EXTL3: variants seen among roughly 807,000 people sequenced by gnomAD.
The protein encoded by EXTL3 is exostosin-like 3.
Under a neutral mutation model 69.3 loss-of-function variants are expected in EXTL3, and 27 were observed. That is an observed-to-expected ratio of 0.39 (90% CI 0.29 to 0.54). EXTL3 has a LOEUF of 0.54. Among genes scored for constraint, EXTL3 ranks in the 20% least tolerant of loss-of-function variants. The probability of loss-of-function intolerance (pLI) is 0.69; values close to 1 mark genes in which losing one functional copy is unlikely to be tolerated. For synonymous variants in EXTL3, 511 were observed against 499.4 expected, an observed-to-expected ratio of 1.02 and a Z score of -0.31; for missense variants, 1,003 against 1,231.8, an observed-to-expected ratio of 0.81 and a Z score of 2.78.
At chr8:28,731,453 T>A in intron 4 of EXTL3, 103 bp downstream of exon 4, 1 of 1,244,396 alleles carries the variant, frequency 8.0e-7, no homozygotes, top group South Asian at 1.2e-5. Context: ...GAGAACCCCT[T>A]GCAGATAGTC....
chr8:28,611,454 T>TA lies in EXTL3; in HGVS notation n.314+3706dup, dbSNP rs796564430. ...GGGTGACAGAGTGAGACTCTGCTTC[T>TA]AAAAAAAAAACCACATTGACTGTTA... is the stretch of plus-strand genomic sequence containing the variant. On this transcript the variant is annotated intron_variant and non_coding_transcript_variant, in intron 2 of 4. Transcript: ENST00000522725. Among the ~76,000 whole-genome samples, 891 of 148,468 alleles carry TA rather than the reference T, an allele frequency of 6.0e-3. 9 individuals carry two copies. The highest frequency in any genetic ancestry group is 0.012 in the African/African-American group (494 of 40,656).
chr8:28,669,763 A>G (rs1190999763), intron 1 of EXTL3, among the ~76,000 whole-genome samples: 1 of 152,114 alleles, frequency 6.6e-6, no homozygotes, highest in African/African-American at 2.4e-5. Flanking sequence ...AGAATATTAC[A>G]ATGGGTGTCT....
intron 2 of EXTL3, among the ~76,000 whole-genome samples, chr8:28,610,492 A>C (rs4339595): frequency 0.29 from 43,794 of 151,962 alleles, 6,482 homozygotes; most frequent in African/African-American, 0.33. Flanking sequence ...CAGAGGAAAA[A>C]GGGATGAACT....
At chr8:28,699,255 C>T (rs931036854), upstream of EXTL3, among the ~76,000 whole-genome samples, 1 of 152,154 alleles carries the variant, frequency 6.6e-6, no homozygotes, top group Non-Finnish European at 1.5e-5. Context: ...GCCCCAAGCT[C>T]TGCTGTAAAG....
chr8:28,702,482 C>T (rs1036608816), intron 1 of EXTL3, among the ~76,000 whole-genome samples: 18 of 152,232 alleles, frequency 1.2e-4, no homozygotes, highest in Non-Finnish European at 2.1e-4. Context: ...CCACATTGAG[C>T]GAGAGCTTCG....
chr8:28,744,416 T>C (rs1006764467), intron 6 of EXTL3, among the ~76,000 whole-genome samples: 1 of 152,052 alleles, frequency 6.6e-6, no homozygotes, highest in African/African-American at 2.4e-5. Context: ...CCAGCACTTT[T>C]GGAGGCTGAG....
chr8:28,689,473 A>G (rs185046040), intron 1 of EXTL3, among the ~76,000 whole-genome samples: 1 of 152,230 alleles, frequency 6.6e-6, no homozygotes, highest in Admixed American at 6.5e-5. Context: ...TTTGCTTCAG[A>G]GTTTTATTCT....
chr8:28,739,430 G>A (rs1027728226), intron 5 of EXTL3, among the ~76,000 whole-genome samples: 1 of 152,070 alleles, frequency 6.6e-6, no homozygotes, highest in Non-Finnish European at 1.5e-5. Flanking sequence ...GGGCCCAGGT[G>A]ACCCTCCTGC....
At chr8:28,701,029 TG>T (rs1052240908), upstream of EXTL3, 1 of 152,256 alleles carries the variant, frequency 6.6e-6, no homozygotes, top group Non-Finnish European at 1.5e-5. Flanking sequence ...GCCTTGTCTT[TG>T]TTATGAAATA....
chr8:28,640,303 T>C (rs969431792), intron 1 of EXTL3, among the ~76,000 whole-genome samples: 2 of 152,164 alleles, frequency 1.3e-5, no homozygotes, highest in Non-Finnish European at 2.9e-5. Context: ...ATTGATTCCA[T>C]AAACTGGAAA....
At position 28,716,159 on chromosome 8, in the gene EXTL3, T is replaced by G; in HGVS notation, c.100T>G (p.Phe34Val). Residue 34 changes from phenylalanine (F) to valine (V), a missense_variant, in exon 3 of 7, where the codon TTC becomes GTC. Physicochemically the swap from Phe to Val is conservative, Grantham distance 50. Transcript: ENST00000220562. The surrounding 1 kb of genome is among the most constrained non-coding windows in gnomAD (Gnocchi z 7.1). ...CCGCATCCGCCTCACGTGGCTCAGC[T>G]TCACGCTCTTTGTCATCCTGGTCTT... ...SNRIRLTWLS[F>V]TLFVILVFFP... 2 of 1,614,160 alleles carry G rather than the reference T, an allele frequency of 1.2e-6. No individual in the cohort carries two copies. Among genetic ancestry groups the G allele is most frequent in the Non-Finnish European group, 1.7e-6 (2 of 1,180,036 alleles).
chr8:28,609,435 TA>T lies in EXTL3; in HGVS notation n.314+1687del, dbSNP rs572247391. 1.6e-3 allele frequency among the ~76,000 whole-genome samples: 238 copies of T among 147,402 alleles called. 4 individuals carry two copies. The highest frequency in any genetic ancestry group is 5.0e-3 in the African/African-American group (200 of 40,040). ...GGATTCCACAAGCGATAAAGAAGATTAAAAAAAAAAGAAATCTAGGGAAATT... is the reference window on the plus strand; with the variant it reads ...GGATTCCACAAGCGATAAAGAAGATTAAAAAAAAAGAAATCTAGGGAAATT... On this transcript the variant is annotated intron_variant and non_coding_transcript_variant, in intron 2 of 4. Coordinates refer to the EXTL3 transcript ENST00000522725.
intron 1 of EXTL3, among the ~76,000 whole-genome samples, chr8:28,627,654 G>T (rs1373454715): frequency 6.6e-6 from 1 of 152,148 alleles, no homozygotes; most frequent in African/African-American, 2.4e-5. Flanking sequence ...ACCTAGCAAA[G>T]TTCTTTACAG....
upstream of EXTL3, among the ~76,000 whole-genome samples, chr8:28,622,308 G>A (rs576907991): frequency 1.8e-3 from 274 of 152,370 alleles, 2 homozygotes; most frequent in African/African-American, 6.3e-3. Context: ...CCAGCGACCG[G>A]CGCCCTCTGC....
chr8:28,688,658 T>C (rs539997165), intron 1 of EXTL3, among the ~76,000 whole-genome samples: 1 of 152,306 alleles, frequency 6.6e-6, no homozygotes, highest in African/African-American at 2.4e-5. Flanking sequence ...TGTAAGATGA[T>C]GGTAGCTTGA....
chr8:28,640,795 T>G (rs912774029), intron 1 of EXTL3, among the ~76,000 whole-genome samples: 2 of 151,992 alleles, frequency 1.3e-5, no homozygotes, highest in Non-Finnish European at 2.9e-5. Flanking sequence ...GGAGATGGGG[T>G]CTCAATATGT....
Position 28,750,550 on chromosome 8 carries a change from G to A in EXTL3, c.2551-107G>A. 2 of 921,298 alleles carry A rather than the reference G, an allele frequency of 2.2e-6. No individual in the cohort carries two copies. The highest frequency in any genetic ancestry group is 3.5e-6 in the Non-Finnish European group (2 of 572,020). The allele number at this position is 921,298 out of a possible 1,614,324, so 57.1% of individuals were successfully genotyped here. ...CTCTGCAGGGATGTTGCCCCTGAGG[G>A]GATCAGCGTCTTCACCATGGACATG... is the stretch of plus-strand genomic sequence containing the variant. On this transcript the variant is annotated intron_variant, in intron 6 of 6. Transcript: ENST00000220562. This position sits in a 1 kb window ranked among gnomAD's most constrained non-coding sequence, Gnocchi z 5.2.
chr8:28,701,115 A>C (rs1372010832), upstream of EXTL3: 4 of 152,214 alleles, frequency 2.6e-5, no homozygotes, highest in African/African-American at 9.7e-5. Context: ...CTGAGAATGG[A>C]GTTTTAGATT....
At chr8:28,728,076 G>T (rs994153992) in intron 3 of EXTL3, among the ~76,000 whole-genome samples, 1 of 152,216 alleles carries the variant, frequency 6.6e-6, no homozygotes, top group Admixed American at 6.5e-5. Context: ...GTTCTGTACT[G>T]AGTGAATGCT....
Sources: allele counts gnomAD v4.1 joint callset (sites outside exome capture counted in the v4.1 genomes callset), GRCh38; gene constraint gnomAD v4.1.1; non-coding constraint Gnocchi (gnomAD v3.1); transcripts MANE v1.5; gene names NCBI Gene and HGNC (gene_info 2026-07-23, HGNC 2026-07-21).